The following ESYT3 variants were observed in gnomAD, a reference collection of about 807,000 sequenced individuals.
The protein encoded by ESYT3 is extended synaptotagmin-3.
Under a neutral mutation model 111.5 loss-of-function variants are expected in ESYT3, and 101 were observed. That is an observed-to-expected ratio of 0.91 (90% CI 0.77 to 1.07). The LOEUF (loss-of-function observed/expected upper bound fraction) is 1.07. ESYT3 is among the 50% of genes least tolerant of loss of function. The pLI is 0.00. For synonymous variants in ESYT3, 416 were observed against 446.8 expected (o/e 0.93, Z 0.87); for missense variants, 1,097 against 1,109.4 (o/e 0.99, Z 0.16).
Position 138,460,651 on chromosome 3 carries a change from A to C in ESYT3, c.779A>C (p.Asp260Ala), listed in dbSNP as rs151078027. Residue 260 changes from aspartate (D) to alanine (A), a missense_variant, in exon 7 of 23, where the codon GAT (aspartate) becomes GCT (alanine). By Grantham distance (126) the Asp-to-Ala change is moderately radical (BLOSUM62 -2). Transcript: ENST00000389567. ...INWTGLTNLL[D>A]APGINDVSDS... is the part of the protein sequence containing the mutation. ...TGGACTGGCCTGACCAACCTGCTGGATGCGCCGGGAATCAAGTAGGTGCCT... is the reference window on the plus strand; with the variant it reads ...TGGACTGGCCTGACCAACCTGCTGGCTGCGCCGGGAATCAAGTAGGTGCCT... 6.2e-4 allele frequency: 1,003 copies of C among 1,613,900 alleles called. No homozygotes were observed. The highest frequency in any genetic ancestry group is 1.3e-3 in the Admixed American group (80 of 60,006).
Position 138,471,040 on chromosome 3 carries a change from G to T in ESYT3, c.1740+14G>T, listed in dbSNP as rs373140311. Reference sequence around the variant, plus strand: ...CTGGTGCTTCGGGTAAATCTCTCCGGTCCCCTGGGGGAGGGGAGGAATAGA... The same window carrying T: ...CTGGTGCTTCGGGTAAATCTCTCCGTTCCCCTGGGGGAGGGGAGGAATAGA... On this transcript the variant is annotated intron_variant, in intron 17 of 22. Transcript: ENST00000389567. The T allele has an allele frequency of 3.7e-6, 6 of 1,601,354 alleles. No individual in the cohort carries two copies. The highest frequency in any genetic ancestry group is 4.3e-6 in the Non-Finnish European group (5 of 1,169,248).
rs2033191669 is a variant in ESYT3 at position 138,471,009 on chromosome 3, A to T, written c.1723A>T (p.Met575Leu). 2 of 1,613,878 alleles carry T rather than the reference A, an allele frequency of 1.2e-6. No individual in the cohort carries two copies. Among genetic ancestry groups the T allele is most frequent in the Admixed American group, 1.7e-5 (1 of 60,020 alleles). Residue 575 changes from methionine (M) to leucine (L), a missense_variant, in exon 17 of 23, where the codon ATG (methionine) becomes TTG (leucine). Physicochemically the swap from Met to Leu is conservative, Grantham distance 15. Transcript: ENST00000389567. The part of the protein sequence containing the change: ...DHSGLDSLIS[M>L]RLVLRFLQVE... ...CTCAGGCCTGGACAGCCTCATCTCC[A>T]TGAGGCTGGTGCTTCGGGTAAATCT...
At chr3:138,451,283 G>A (rs1422857567) in intron 1 of ESYT3, among the ~76,000 whole-genome samples, 1 of 152,232 alleles carries the variant, frequency 6.6e-6, no homozygotes, top group Non-Finnish European at 1.5e-5. Flanking sequence ...AGGGCCTAAG[G>A]GGAAGGGAGG....
chr3:138,443,857 C>T (rs554731991), intron 1 of ESYT3, among the ~76,000 whole-genome samples: 170 of 152,160 alleles, frequency 1.1e-3, no homozygotes, highest in Middle Eastern at 3.4e-3. Context: ...TTAGTCCCTC[C>T]GCCTCCCAAG....
intron 16 of ESYT3, chr3:138,470,398 T>G: frequency 8.2e-7 from 1 of 1,213,306 alleles, no homozygotes; most frequent in East Asian, 4.1e-5. Context: ...GTCTTTATAT[T>G]TGCTACACAG....
intron 1 of ESYT3, among the ~76,000 whole-genome samples, chr3:138,442,076 A>G (rs1195908579): frequency 6.6e-6 from 1 of 151,582 alleles, no homozygotes; most frequent in Non-Finnish European, 1.5e-5. Flanking sequence ...CCCATGTTGT[A>G]TTTACTTTTT....
At chr3:138,466,119 G>GGGAGA (rs534416730) in intron 10 of ESYT3, among the ~76,000 whole-genome samples, 116 of 152,346 alleles carry the variant, frequency 7.6e-4, no homozygotes, top group African/African-American at 2.8e-3. Context: ...TATGAAGTGG[G>GGGAGA]GGAGAGCAGC....
At chr3:138,462,345 C>A in intron 8 of ESYT3, 139 bp downstream of exon 8, 1 of 1,213,330 alleles carries the variant, frequency 8.2e-7, no homozygotes, top group Non-Finnish European at 1.2e-6. Context: ...CACCATCGCC[C>A]ACGTCATAAT....
At chr3:138,464,543 C>T (rs1381111700) in intron 9 of ESYT3, 28 bp downstream of exon 9, 2 of 1,612,484 alleles carry the variant, frequency 1.2e-6, no homozygotes, top group South Asian at 2.2e-5. Context: ...TGCTTCTAGC[C>T]TTCACTCTGA....
Position 138,468,646 on chromosome 3 carries a change from T to TG in ESYT3, c.1309-8dup. 1 of 1,614,108 alleles carries TG rather than the reference T, an allele frequency of 6.2e-7. No homozygotes were observed. Among genetic ancestry groups the TG allele is most frequent in the Non-Finnish European group, 8.5e-7 (1 of 1,179,996 alleles). ...GGAGTACCCAGTGAGGGTCTGTGTC[T>TG]GTTTGCAGGACCATGGTGGCCTTTC... On this transcript the variant is annotated splice_polypyrimidine_tract_variant and intron_variant, in intron 12 of 22. Coordinates refer to ENST00000389567, the MANE Select transcript of ESYT3 (RefSeq NM_031913.5).
chr3:138,434,825 CG>C lies in ESYT3; in HGVS notation c.31del (p.Ala11ProfsTer41). 1.3e-6 allele frequency: 2 copies of C among 1,560,038 alleles called. No homozygotes were observed. Among genetic ancestry groups the C allele is most frequent in the Admixed American group, 1.9e-5 (1 of 53,252 alleles). On this transcript the variant is annotated frameshift_variant, in exon 1 of 23. Transcript: ENST00000389567. LOFTEE classifies it high-confidence loss of function. MRAEEPCAP[G>X]APSALGAQRT... ...TGCGAGCAGAGGAGCCCTGCGCCCCCGGGGCCCCCAGCGCCCTGGGAGCCCA... is the reference window on the plus strand; with the variant it reads ...TGCGAGCAGAGGAGCCCTGCGCCCCCGGGCCCCCAGCGCCCTGGGAGCCCA...
At chr3:138,457,682 A>T in intron 4 of ESYT3, 38 bp downstream of exon 4, 1 of 1,590,828 alleles carries the variant, frequency 6.3e-7, no homozygotes, top group Non-Finnish European at 8.6e-7. Flanking sequence ...TTCGGGGTGC[A>T]GGGGACACAG....
At chr3:138,474,200 A>G (rs2033377928) in intron 19 of ESYT3, 21 bp from the exon 20 acceptor site, 1 of 1,594,782 alleles carries the variant, frequency 6.3e-7, no homozygotes, top group Middle Eastern at 1.7e-4. Context: ...TTTTTTCCTA[A>G]TGTCTTTGAC....
intron 20 of ESYT3, 85 bp downstream of exon 20, chr3:138,474,437 G>C: frequency 6.9e-7 from 1 of 1,454,316 alleles, no homozygotes; most frequent in Non-Finnish European, 9.2e-7. Context: ...CAGCCTGCCA[G>C]ATGCTGGAAG....
chr3:138,468,049 G>T, intron 11 of ESYT3, 56 bp from the exon 12 acceptor site: 1 of 1,525,386 alleles, frequency 6.6e-7, no homozygotes, highest in Non-Finnish European at 9.1e-7. Context: ...TGCCCAGAGA[G>T]CATCAGTAGC....
Position 138,477,468 on chromosome 3 carries a change from A to G in ESYT3, c.*614A>G, listed in dbSNP as rs62282906. On this transcript the variant is annotated 3_prime_UTR_variant, in exon 23 of 23. Coordinates refer to ENST00000389567, the MANE Select transcript of ESYT3 (RefSeq NM_031913.5). ...AAAAATGTATTTCCCTACTGGCAAA[A>G]ATGTTATACTGATATACTTAAATAC... is the stretch of plus-strand genomic sequence containing the variant. The G allele has an allele frequency of 2.7e-3, 411 of 152,626 alleles. 3 individuals carry two copies. Among genetic ancestry groups the G allele is most frequent in the Non-Finnish European group, 4.4e-3 (303 of 68,284 alleles). 9.5% of individuals were successfully genotyped at this position (152,626 alleles called of 1,614,324 possible).
chr3:138,441,810 T>C (rs2031172389), intron 1 of ESYT3, among the ~76,000 whole-genome samples: 1 of 129,148 alleles, frequency 7.7e-6, no homozygotes. Context: ...TTGAGAATTA[T>C]TAAAAAGACA....
intron 1 of ESYT3, among the ~76,000 whole-genome samples, chr3:138,442,121 T>A (rs1432932884): frequency 9.1e-6 from 1 of 110,312 alleles, no homozygotes; most frequent in Non-Finnish European, 1.6e-5. Context: ...AAAAATGTGT[T>A]TTTTTTTTTC....
intron 8 of ESYT3, among the ~76,000 whole-genome samples, chr3:138,463,069 C>T (rs1343943303): frequency 6.6e-6 from 1 of 152,002 alleles, no homozygotes; most frequent in Non-Finnish European, 1.5e-5. Flanking sequence ...TAGAGTTTTC[C>T]CCAGCATGCT....
Sources: allele counts gnomAD v4.1 joint callset (sites outside exome capture counted in the v4.1 genomes callset), GRCh38; gene constraint gnomAD v4.1.1; transcripts MANE v1.5; gene names NCBI Gene and HGNC (gene_info 2026-07-23, HGNC 2026-07-21).